Variants in RABGAP1L observed in about 807,000 individuals in gnomAD.
RABGAP1L encodes the protein RAB GTPase activating protein 1 like.
RABGAP1L carries 63 observed loss-of-function variants against 137.7 expected under a neutral mutation model. The ratio of observed to expected loss-of-function variants is 0.46; its 90% confidence interval spans 0.37 to 0.56. The LOEUF is 0.56. Ranked by LOEUF, RABGAP1L falls within the 20% of genes least tolerant of loss-of-function variation. The pLI is 0.00. For synonymous variants in RABGAP1L, 431 were observed against 433.7 expected, an observed-to-expected ratio of 0.99 and a Z score of 0.08; for missense variants, 1,095 against 1,244.0, an observed-to-expected ratio of 0.88 and a Z score of 1.80.
At position 174,588,146 on chromosome 1, in the gene RABGAP1L, A is replaced by C. The variant is rs567996085; in HGVS notation, c.1711-49229A>C. 2.0e-5 allele frequency among the ~76,000 whole-genome samples: 3 copies of C among 152,048 alleles called. No individual in the cohort carries two copies. The South Asian group carries it at 6.2e-4, about 32-fold the overall frequency. ...TTCCAAAAGTGCTGGGATTACAGGC[A>C]TGAGCCACCATGCCTGGCCTATTTA... On this transcript the variant is annotated intron_variant, in intron 13 of 25. Transcript: ENST00000681986.
intron 14 of RABGAP1L, among the ~76,000 whole-genome samples, chr1:174,679,663 T>C (rs1450699775): frequency 6.6e-6 from 1 of 152,182 alleles, no homozygotes; most frequent in African/African-American, 2.4e-5. Context: ...ACAACATGGT[T>C]ATGCATGTAG....
chr1:174,352,149 A>G (rs1357248065), intron 11 of RABGAP1L, among the ~76,000 whole-genome samples: 1 of 152,086 alleles, frequency 6.6e-6, no homozygotes, highest in Non-Finnish European at 1.5e-5. Flanking sequence ...CACATTCTGC[A>G]ACTGATCTCT....
intron 1 of RABGAP1L, among the ~76,000 whole-genome samples, chr1:174,213,180 T>C (rs1669031077): frequency 6.6e-6 from 1 of 152,194 alleles, no homozygotes; most frequent in African/African-American, 2.4e-5. Flanking sequence ...ATCCCAGCAC[T>C]TTGGGAGGCT....
intron 14 of RABGAP1L, among the ~76,000 whole-genome samples, chr1:174,681,660 A>G (rs936854486): frequency 6.6e-6 from 1 of 152,222 alleles, no homozygotes; most frequent in African/African-American, 2.4e-5. Context: ...GGAACTGTAC[A>G]ATTAAAATGT....
intron 14 of RABGAP1L, among the ~76,000 whole-genome samples, chr1:174,680,616 CAATT>C (rs1462656159): frequency 4.6e-5 from 7 of 152,270 alleles, no homozygotes; most frequent in Admixed American, 3.9e-4. Context: ...ATGAACAACT[CAATT>C]AAACAATTGG....
At chr1:174,708,571 A>G (rs1680232325) in intron 17 of RABGAP1L, among the ~76,000 whole-genome samples, 1 of 152,158 alleles carries the variant, frequency 6.6e-6, no homozygotes, top group Non-Finnish European at 1.5e-5. Context: ...AGCTGAGGGA[A>G]GCTGTAAAGT....
At chr1:174,187,070 A>T (rs1666858677) in intron 1 of RABGAP1L, among the ~76,000 whole-genome samples, 1 of 152,106 alleles carries the variant, frequency 6.6e-6, no homozygotes. Context: ...GCGCCTTTCC[A>T]CATATTGTTC....
chr1:174,387,903 CATT>C (rs929301949), intron 12 of RABGAP1L, among the ~76,000 whole-genome samples: 6 of 151,634 alleles, frequency 4.0e-5, no homozygotes, highest in African/African-American at 1.5e-4. Context: ...TTATTTGGGC[CATT>C]ATTATAATTA....
chr1:174,374,877 G>A (rs188362538), intron 12 of RABGAP1L, among the ~76,000 whole-genome samples: 104 of 152,250 alleles, frequency 6.8e-4, no homozygotes, highest in Middle Eastern at 3.4e-3. Flanking sequence ...CTTAGATTGA[G>A]AAAATACCTT....
chr1:174,608,196 C>CAAT (rs1384036470), intron 13 of RABGAP1L, among the ~76,000 whole-genome samples: 1 of 152,134 alleles, frequency 6.6e-6, no homozygotes, highest in East Asian at 1.9e-4. Context: ...ACTTAAGCAG[C>CAAT]AATATAACCT....
intron 13 of RABGAP1L, among the ~76,000 whole-genome samples, chr1:174,502,592 ATATATGTACATATATGTGTG>A (rs1328922486): frequency 6.8e-5 from 10 of 147,750 alleles, no homozygotes; most frequent in South Asian, 4.2e-4. Flanking sequence ...ATATATATAT[ATATATGTACATATATGTGTG>A]TATATATATG....
chr1:174,772,989 A>G (rs1558063714), intron 18 of RABGAP1L, among the ~76,000 whole-genome samples: 1 of 152,206 alleles, frequency 6.6e-6, no homozygotes, highest in Non-Finnish European at 1.5e-5. Context: ...TACTGTTAAT[A>G]CTGTATTGAC....
intron 11 of RABGAP1L, among the ~76,000 whole-genome samples, chr1:174,305,775 A>AT (rs1009119908): frequency 6.6e-6 from 1 of 150,908 alleles, no homozygotes; most frequent in African/African-American, 2.4e-5. Flanking sequence ...ATATATATAT[A>AT]TTTTTAATAC....
At chr1:174,680,300 C>G (rs1207732478) in intron 14 of RABGAP1L, among the ~76,000 whole-genome samples, 1 of 152,136 alleles carries the variant, frequency 6.6e-6, no homozygotes, top group African/African-American at 2.4e-5. Context: ...GGGCGGAGCC[C>G]TCATGAATTG....
At chr1:174,975,685 A>G (rs1670582973) in intron 21 of RABGAP1L, among the ~76,000 whole-genome samples, 1 of 152,068 alleles carries the variant, frequency 6.6e-6, no homozygotes, top group Non-Finnish European at 1.5e-5. Context: ...CATCAGATCC[A>G]TCTACACAGA....
At chr1:174,775,314 CTTT>C (rs11318724) in intron 18 of RABGAP1L, among the ~76,000 whole-genome samples, 7 of 137,178 alleles carry the variant, frequency 5.1e-5, no homozygotes, top group Admixed American at 7.3e-5. Context: ...CAGGAGAAAA[CTTT>C]TTTTTTTTTT....
intron 13 of RABGAP1L, among the ~76,000 whole-genome samples, chr1:174,507,706 G>C (rs1174911913): frequency 1.3e-5 from 2 of 152,068 alleles, no homozygotes; most frequent in Non-Finnish European, 2.9e-5. Context: ...AAAATTAAAG[G>C]AGTAGTGAAT....
intron 13 of RABGAP1L, among the ~76,000 whole-genome samples, chr1:174,565,884 ATT>A (rs776033808): frequency 5.3e-4 from 70 of 132,708 alleles, no homozygotes; most frequent in Admixed American, 7.8e-4. Flanking sequence ...AATCCTTTAC[ATT>A]TTTTTTTTTT....
At chr1:174,927,724 C>T (rs1000270121) in intron 19 of RABGAP1L, among the ~76,000 whole-genome samples, 1 of 152,160 alleles carries the variant, frequency 6.6e-6, no homozygotes, top group African/African-American at 2.4e-5. Flanking sequence ...GATGATGTTT[C>T]TTCTTTTAAA....
Sources: gnomAD v4.1 joint callset for allele counts (sites outside exome capture counted in the v4.1 genomes callset) on GRCh38, gnomAD v4.1.1 for gene constraint, MANE v1.5 for transcripts, NCBI Gene and HGNC (gene_info 2026-07-23, HGNC 2026-07-21) for gene names.